The following ADAM12 variants were observed in gnomAD, a reference collection of about 807,000 sequenced individuals.
ADAM12 encodes the protein ADAM metallopeptidase domain 12, also known as disintegrin and metalloproteinase domain-containing protein 12.
Under a neutral mutation model 106.4 loss-of-function variants are expected in ADAM12, and 70 were observed. The ratio of observed to expected loss-of-function variants is 0.66; its 90% CI spans 0.54 to 0.80. The LOEUF (loss-of-function observed/expected upper bound fraction) is 0.80. Among genes scored for constraint, ADAM12 ranks in the 30% least tolerant of loss-of-function variants. The pLI is 0.00. For missense variants in ADAM12, 1,010 were observed against 1,171.9 expected (o/e 0.86, Z 2.02); for synonymous variants, 420 against 433.5 (o/e 0.97, Z 0.39).
chr10:126,027,919 G>A (rs1181621010), intron 21 of ADAM12, among the ~76,000 whole-genome samples: 5 of 152,154 alleles, frequency 3.3e-5, no homozygotes, highest in Non-Finnish European at 7.4e-5. Flanking sequence ...AACTTTGTTT[G>A]CAGATGACGT....
chr10:126,109,507 C>T (rs911549058), intron 7 of ADAM12, among the ~76,000 whole-genome samples: 2 of 152,200 alleles, frequency 1.3e-5, no homozygotes, highest in African/African-American at 4.8e-5. Context: ...TGTCATTCCT[C>T]TCAGTTAATT....
At chr10:126,305,717 T>A (rs184561790) in intron 2 of ADAM12, among the ~76,000 whole-genome samples, 2 of 152,078 alleles carry the variant, frequency 1.3e-5, no homozygotes, top group Non-Finnish European at 2.9e-5. Flanking sequence ...TTCTATGGTA[T>A]ATATTTTGAA....
rs776072342 is a variant in ADAM12, at chr10:126,039,384, A to C, written c.2150T>G (p.Leu717Arg). 1.9e-6 allele frequency: 3 copies of C among 1,614,154 alleles called. No individual in the cohort carries two copies. The Admixed American group carries it at 5.0e-5, about 27-fold the overall frequency. Residue 717 changes from leucine to arginine, a missense_variant, in exon 19 of 23, where the codon CTT (leucine) becomes CGT (arginine). Physicochemically the swap from Leu to Arg is moderately radical, Grantham distance 102 (BLOSUM62 -2). Transcript: ENST00000448723. ...ATAAACCACAAATCCGGCAGCAAGA[A>C]GACACAGGATGGTCACCAGAATTCC... The part of the protein sequence containing the change: ...TIGILVTILC[L>R]LAAGFVVYLK...
At chr10:126,231,457 T>A (rs1958309518) in intron 3 of ADAM12, among the ~76,000 whole-genome samples, 2 of 151,978 alleles carry the variant, frequency 1.3e-5, no homozygotes, top group Non-Finnish European at 2.9e-5. Context: ...ATATCTACCC[T>A]TAAAGCAAAA....
chr10:126,135,462 G>T, intron 5 of ADAM12, 122 bp downstream of exon 5: 3 of 886,290 alleles, frequency 3.4e-6, no homozygotes, highest in Non-Finnish European at 5.4e-6. Flanking sequence ...CCTAGGTGGA[G>T]GTGTAGCTGA....
chr10:126,127,809 G>C (rs1956230162), intron 5 of ADAM12, among the ~76,000 whole-genome samples: 2 of 152,206 alleles, frequency 1.3e-5, no homozygotes, highest in South Asian at 4.1e-4. Context: ...CTTCTTGGAG[G>C]AGGAAGCAGT....
intron 2 of ADAM12, among the ~76,000 whole-genome samples, chr10:126,290,206 C>T (rs1960085438): frequency 6.6e-6 from 1 of 152,158 alleles, no homozygotes; most frequent in South Asian, 2.1e-4. Context: ...AAATAGGAAC[C>T]ATGTTCCTAC....
At chr10:126,106,547 G>T (rs552066951) in intron 8 of ADAM12, among the ~76,000 whole-genome samples, 1 of 147,682 alleles carries the variant, frequency 6.8e-6, no homozygotes, top group South Asian at 2.1e-4. Context: ...GTGCGATGGC[G>T]TGATCTCGGC....
In ADAM12 at chr10:126,066,638, A is replaced by T. The variant is rs1003069232; in HGVS notation, c.1413+79T>A. The T allele has an allele frequency of 2.9e-6, 4 of 1,397,532 alleles. No homozygotes were observed. In the Admixed American group the frequency reaches 5.1e-5, roughly 18 times the overall value. 86.6% of individuals were successfully genotyped at this position (1,397,532 alleles called of 1,614,324 possible). On this transcript the variant is annotated intron_variant, in intron 13 of 22. Transcript: ENST00000448723. The surrounding 1 kb of genome is among the most constrained non-coding windows in gnomAD (Gnocchi z 5.1). ...GAGTGCTGGGAAACCTTCCAGCCACACTGCTTGCCCTGCATCAGATCTGAA... is the reference window on the plus strand; with the variant it reads ...GAGTGCTGGGAAACCTTCCAGCCACTCTGCTTGCCCTGCATCAGATCTGAA...
Position 126,121,825 on chromosome 10 carries a change from C to T in ADAM12, c.417-3601G>A, listed in dbSNP as rs532517741. On this transcript the variant is annotated intron_variant, in intron 5 of 22. Transcript: ENST00000448723. ...TTTTAATAGATTGACAGTATCTCAA[C>T]GCTCAAATGATACGGAAGGAAGAGG... Among the ~76,000 whole-genome samples the T allele has an allele frequency of 3.3e-5, 5 of 152,106 alleles. No homozygotes were observed. In the South Asian group the frequency reaches 6.3e-4, roughly 19 times the overall value.
At chr10:126,060,438 G>T (rs1042477487) in intron 14 of ADAM12, among the ~76,000 whole-genome samples, 2 of 152,200 alleles carry the variant, frequency 1.3e-5, no homozygotes, top group Non-Finnish European at 2.9e-5. Flanking sequence ...TCACTGGGGT[G>T]CAAATGTCAA....
At chr10:126,339,923 C>T (rs1854864039) in intron 1 of ADAM12, among the ~76,000 whole-genome samples, 1 of 138,340 alleles carries the variant, frequency 7.2e-6, no homozygotes, top group South Asian at 2.4e-4. Context: ...GGCCTGATCT[C>T]AGCTCACTGC....
chr10:126,121,205 A>C (rs1956099568), intron 5 of ADAM12, among the ~76,000 whole-genome samples: 1 of 107,046 alleles, frequency 9.3e-6, no homozygotes, highest in Non-Finnish European at 1.7e-5. Flanking sequence ...TATATACTAT[A>C]TACTATATAT....
At chr10:126,017,455 A>AT (rs1953680780) in intron 22 of ADAM12, 116 bp from the exon 23 acceptor site, 1 of 1,023,144 alleles carries the variant, frequency 9.8e-7, no homozygotes, top group Admixed American at 2.6e-5. Context: ...TCTGTGTCAG[A>AT]TACCACTGCC....
chr10:126,255,846 G>T (rs550584889), intron 3 of ADAM12, among the ~76,000 whole-genome samples: 2 of 152,320 alleles, frequency 1.3e-5, no homozygotes, highest in Non-Finnish European at 2.9e-5. Context: ...CACACGCCTG[G>T]TCATTATGGT....
chr10:126,209,774 A>G lies in ADAM12; in HGVS notation c.261-54469T>C, dbSNP rs114760003. Among the ~76,000 whole-genome samples the G allele has an allele frequency of 3.0e-3, 454 of 152,332 alleles. 1 individual carries two copies. Among genetic ancestry groups the G allele is most frequent in the African/African-American group, 0.01 (421 of 41,566 alleles). On this transcript the variant is annotated intron_variant, in intron 3 of 22. Transcript: ENST00000448723. Reference sequence around the variant, plus strand: ...GGATCCAAGAAAAAGATTTTGTAAAACAAGAAGTTCTTTACTTTTCCTTTA... The same window carrying G: ...GGATCCAAGAAAAAGATTTTGTAAAGCAAGAAGTTCTTTACTTTTCCTTTA...
intron 2 of ADAM12, among the ~76,000 whole-genome samples, chr10:126,308,635 C>A (rs1168439865): frequency 6.6e-6 from 1 of 152,178 alleles, no homozygotes; most frequent in Non-Finnish European, 1.5e-5. Context: ...GATGTTTTGA[C>A]TATTTTTTCA....
In ADAM12 at chr10:126,134,904, G is replaced by A. The variant is rs1033422446; in HGVS notation, c.416+680C>T. ...TTACAAACATTTAGTTCACAAATTC[G>A]ATAAGCAAATCCAGTAAAAAGGCTG... On this transcript the variant is annotated intron_variant, in intron 5 of 22. Transcript: ENST00000448723. Among the ~76,000 whole-genome samples the A allele has an allele frequency of 4.6e-5, 7 of 150,744 alleles. No individual in the cohort carries two copies. The South Asian group carries it at 6.4e-4, about 14-fold the overall frequency.
chr10:126,120,118 C>A (rs148936068), intron 5 of ADAM12, among the ~76,000 whole-genome samples: 1 of 152,128 alleles, frequency 6.6e-6, no homozygotes, highest in Non-Finnish European at 1.5e-5. Flanking sequence ...GACTACTAAC[C>A]TTTTGTGAGA....
Sources: gnomAD v4.1 joint callset for allele counts (sites outside exome capture counted in the v4.1 genomes callset) on GRCh38, gnomAD v4.1.1 for gene constraint, Gnocchi (gnomAD v3.1) non-coding constraint, MANE v1.5 for transcripts, NCBI Gene and HGNC (gene_info 2026-07-23, HGNC 2026-07-21) for gene names.